The following ROBO2 variants were observed in gnomAD, a reference collection of about 807,000 sequenced individuals.
ROBO2 encodes roundabout homolog 2.
Under a neutral mutation model 160.8 loss-of-function variants are expected in ROBO2, and 53 were observed. That is an observed-to-expected ratio of 0.33 (90% CI 0.26 to 0.41). ROBO2 has a LOEUF of 0.41. Ranked by LOEUF, ROBO2 falls within the 10% of genes least tolerant of loss-of-function variation. ROBO2 has a pLI of 1.00. For missense variants in ROBO2, 1,577 were observed against 1,722.4 expected (o/e 0.92, Z 1.49); for synonymous variants, 664 against 611.7 (o/e 1.09, Z -1.26).
At chr3:75,924,404 G>C (rs1240770327) in intron 1 of ROBO2, among the ~76,000 whole-genome samples, 1 of 151,804 alleles carries the variant, frequency 6.6e-6, no homozygotes, top group Non-Finnish European at 1.5e-5. Context: ...AAGAGCTCAG[G>C]GGTACATGTG....
intron 2 of ROBO2, among the ~76,000 whole-genome samples, chr3:76,136,017 C>T (rs1013729585): frequency 2.0e-5 from 3 of 151,992 alleles, no homozygotes; most frequent in Non-Finnish European, 4.4e-5. Context: ...TTGTTTGGTA[C>T]TGAAACAATT....
intron 2 of ROBO2, among the ~76,000 whole-genome samples, chr3:77,023,219 T>C (rs559790853): frequency 6.6e-6 from 1 of 152,306 alleles, no homozygotes; most frequent in Non-Finnish European, 1.5e-5. Flanking sequence ...GGTTACTGCT[T>C]TTGTCTTCTT....
At chr3:76,291,578 G>T (rs1708805850) in intron 2 of ROBO2, among the ~76,000 whole-genome samples, 1 of 151,862 alleles carries the variant, frequency 6.6e-6, no homozygotes, top group Non-Finnish European at 1.5e-5. Flanking sequence ...GGGTTGGTTT[G>T]CTCTTGTTTT....
Position 77,241,806 on chromosome 3 carries a change from A to G in ROBO2, c.388+143466A>G, listed in dbSNP as rs535036976. Among the ~76,000 whole-genome samples the G allele has an allele frequency of 2.0e-5, 3 of 152,294 alleles. No individual in the cohort carries two copies. In the East Asian group the frequency reaches 5.8e-4, roughly 29 times the overall value. ...ATGATTAATCAATACCAGGAAGCAA[A>G]CTAAGTATCAAGAAAAGATCATCCA... On this transcript the variant is annotated intron_variant, in intron 2 of 25. Transcript: ENST00000461745.
intron 2 of ROBO2, among the ~76,000 whole-genome samples, chr3:76,684,073 G>A (rs1406675780): frequency 1.3e-5 from 2 of 151,842 alleles, no homozygotes; most frequent in Non-Finnish European, 2.9e-5. Flanking sequence ...ATGTATATTA[G>A]GACATCATTA....
chr3:77,620,333 A>C (rs1398825706), intron 22 of ROBO2, among the ~76,000 whole-genome samples: 1 of 152,204 alleles, frequency 6.6e-6, no homozygotes, highest in East Asian at 1.9e-4. Context: ...CTGTCACTAG[A>C]AGATATTTAT....
intron 2 of ROBO2, among the ~76,000 whole-genome samples, chr3:76,270,826 T>C (rs1004478663): frequency 6.6e-6 from 1 of 152,090 alleles, no homozygotes; most frequent in Admixed American, 6.6e-5. Flanking sequence ...GCAACTTGGA[T>C]TCTAGTCCTA....
intron 1 of ROBO2, among the ~76,000 whole-genome samples, chr3:75,930,481 C>T (rs1488591174): frequency 1.3e-5 from 2 of 152,100 alleles, no homozygotes; most frequent in Admixed American, 6.6e-5. Flanking sequence ...ATTTCTCTTC[C>T]CCAATTTTAA....
intron 2 of ROBO2, among the ~76,000 whole-genome samples, chr3:77,027,028 A>T (rs2063010925): frequency 6.6e-6 from 1 of 152,220 alleles, no homozygotes; most frequent in Non-Finnish European, 1.5e-5. Context: ...TCATACTGCA[A>T]CTTATCAAAC....
chr3:77,395,332 G>T (rs956398438), intron 2 of ROBO2, among the ~76,000 whole-genome samples: 3 of 152,112 alleles, frequency 2.0e-5, no homozygotes, highest in South Asian at 2.1e-4. Context: ...AGGGGTGGGG[G>T]AACAGCAGGT....
At chr3:76,435,038 G>A (rs1205305422) in intron 2 of ROBO2, 8 of 1,292,668 alleles carry the variant, frequency 6.2e-6, no homozygotes, top group Non-Finnish European at 7.9e-6. Context: ...AGGATGCAGA[G>A]CTGAAACAAA....
intron 2 of ROBO2, among the ~76,000 whole-genome samples, chr3:76,145,780 A>G (rs1465581747): frequency 6.6e-6 from 1 of 152,046 alleles, no homozygotes; most frequent in African/African-American, 2.4e-5. Flanking sequence ...AGTTTTTCAA[A>G]CTAATTAGAC....
At chr3:77,182,839 A>G (rs1352853171) in intron 2 of ROBO2, among the ~76,000 whole-genome samples, 1 of 152,100 alleles carries the variant, frequency 6.6e-6, no homozygotes, top group Non-Finnish European at 1.5e-5. Flanking sequence ...AAATGGTATT[A>G]TATGAGACCT....
In ROBO2 at chr3:77,082,523, A is replaced by G. The variant is rs1385567798; in HGVS notation, c.62-15491A>G. Among the ~76,000 whole-genome samples, 3 of 152,242 alleles carry G rather than the reference A, an allele frequency of 2.0e-5. No individual in the cohort carries two copies. The East Asian group carries it at 5.8e-4, about 29-fold the overall frequency. On this transcript the variant is annotated intron_variant, in intron 1 of 25. Transcript: ENST00000461745. ...TGGTTGTAAACTAATGATAACAGGGATACAACCTCCCCATTTCCTGATTGT... is the reference window on the plus strand; with the variant it reads ...TGGTTGTAAACTAATGATAACAGGGGTACAACCTCCCCATTTCCTGATTGT...
chr3:76,311,618 T>C (rs369868258), intron 2 of ROBO2, among the ~76,000 whole-genome samples: 1 of 152,200 alleles, frequency 6.6e-6, no homozygotes, highest in East Asian at 1.9e-4. Flanking sequence ...AATGTTTGGT[T>C]TTCTGGGCTT....
intron 2 of ROBO2, among the ~76,000 whole-genome samples, chr3:76,558,974 G>A (rs561382935): frequency 6.6e-6 from 1 of 152,194 alleles, no homozygotes; most frequent in South Asian, 2.1e-4. Context: ...TATATAAAAT[G>A]TACAAACCTA....
intron 2 of ROBO2, among the ~76,000 whole-genome samples, chr3:76,599,774 T>G (rs1209924587): frequency 6.6e-6 from 1 of 152,202 alleles, no homozygotes; most frequent in East Asian, 1.9e-4. Context: ...TCATTGTGGT[T>G]TTGATTTGTG....
At chr3:75,985,616 T>C (rs531833761) in intron 2 of ROBO2, among the ~76,000 whole-genome samples, 14 of 151,584 alleles carry the variant, frequency 9.2e-5, no homozygotes, top group Non-Finnish European at 2.1e-4. Flanking sequence ...TGGCTATGTA[T>C]AGGTCAGTGA....
intron 2 of ROBO2, among the ~76,000 whole-genome samples, chr3:75,968,448 G>A (rs1166473791): frequency 1.3e-5 from 2 of 151,350 alleles, no homozygotes; most frequent in African/African-American, 4.8e-5. Flanking sequence ...AAATTGTTAA[G>A]TTTTGATAAC....
Sources: allele counts gnomAD v4.1 joint callset (sites outside exome capture counted in the v4.1 genomes callset), GRCh38; gene constraint gnomAD v4.1.1; transcripts MANE v1.5; gene names NCBI Gene and HGNC (gene_info 2026-07-23, HGNC 2026-07-21).